Variants in SPTY2D1 observed in about 807,000 individuals in gnomAD.
The protein encoded by SPTY2D1 is SPT2 chromatin protein domain containing 1.
Under a neutral mutation model 64.0 loss-of-function variants are expected in SPTY2D1, and 21 were observed. That is an observed-to-expected ratio of 0.33 (90% CI 0.23 to 0.47). SPTY2D1 has a LOEUF of 0.47. Among genes scored for constraint, SPTY2D1 ranks in the 20% least tolerant of loss-of-function variants. The pLI is 1.00. For synonymous variants in SPTY2D1, 287 were observed against 286.8 expected (o/e 1.00, Z -0.01); for missense variants, 724 against 837.2 (o/e 0.86, Z 1.67).
At position 18,606,761 on chromosome 11, in the gene SPTY2D1, A is replaced by T; in HGVS notation, c.*3100T>A. 1 of 389,786 alleles carries T rather than the reference A, an allele frequency of 2.6e-6. No homozygotes were observed. The highest frequency in any genetic ancestry group is 4.9e-6 in the Non-Finnish European group (1 of 205,366). The allele number at this position is 389,786 out of a possible 1,614,324, so 24.1% of individuals were successfully genotyped here. A position where few individuals can be genotyped will look rare whatever the true frequency, so the allele number is the denominator to read the frequency against. ...GTTTTGGTCTCCTGCTATATCTCAG[A>T]AATTTACCAATAGCTGCTTTTAAGT... is the stretch of plus-strand genomic sequence containing the variant. On this transcript the variant is annotated 3_prime_UTR_variant, in exon 6 of 6. Transcript: ENST00000336349.
intron 1 of SPTY2D1, among the ~76,000 whole-genome samples, chr11:18,617,810 C>G (rs1486054593): frequency 6.6e-6 from 1 of 151,034 alleles, no homozygotes; most frequent in Admixed American, 6.6e-5. Flanking sequence ...GGCATGGTGG[C>G]GCACATCCGT....
Position 18,609,859 on chromosome 11 carries a change from AG to A in SPTY2D1, c.*1del. ...AGAATTTCACAAAAATAAAAGCAGC[AG>A]CTAACGCCTCTTCAGCTTCTTGGCC... On this transcript the variant is annotated 3_prime_UTR_variant, in exon 6 of 6. Transcript: ENST00000336349. 6.2e-7 allele frequency: 1 copy of A among 1,613,740 alleles called. No individual in the cohort carries two copies. The highest frequency in any genetic ancestry group is 8.5e-7 in the Non-Finnish European group (1 of 1,179,876).
At chr11:18,613,719 T>C (rs1165246019) in intron 3 of SPTY2D1, among the ~76,000 whole-genome samples, 1 of 152,154 alleles carries the variant, frequency 6.6e-6, no homozygotes, top group African/African-American at 2.4e-5. Flanking sequence ...CTTTAATAAA[T>C]CTCTATTAGC....
intron 1 of SPTY2D1, among the ~76,000 whole-genome samples, chr11:18,621,365 G>GAAAAGAAAAGAAAAGAA: frequency 7.0e-6 from 1 of 142,146 alleles, no homozygotes. Flanking sequence ...GAAAAGAAAA[G>GAAAAGAAAAGAAAAGAA]AAAAGAAAAG....
rs1427758823 is a variant in SPTY2D1 at position 18,612,942 on chromosome 11, T to G, written c.1712-454A>C. Among the ~76,000 whole-genome samples the G allele has an allele frequency of 6.6e-6, 1 of 152,172 alleles. No homozygotes were observed. Among genetic ancestry groups the G allele is most frequent in the African/African-American group, 2.4e-5 (1 of 41,446 alleles). On this transcript the variant is annotated intron_variant, in intron 3 of 5. Coordinates refer to ENST00000336349, the MANE Select transcript of SPTY2D1 (RefSeq NM_194285.3). The surrounding 1 kb of genome is among the most constrained non-coding windows in gnomAD (Gnocchi z 4.6). The stretch of plus-strand genomic sequence containing the variant: ...ACAACGCCTGGCTAATTTTGTATTT[T>G]TAGTAGAGATGGGGTTTCTCCACGT...
chr11:18,607,353 A>T lies in SPTY2D1; in HGVS notation c.*2508T>A, dbSNP rs1854125749. On this transcript the variant is annotated 3_prime_UTR_variant, in exon 6 of 6. Coordinates refer to ENST00000336349, the MANE Select transcript of SPTY2D1 (RefSeq NM_194285.3). ...CATAGCAATATCAAAAGCAAGTGGG[A>T]CTGTGCAATCAGAGCCATGAGTTTT... 6.5e-6 allele frequency: 1 copy of T among 152,748 alleles called. No homozygotes were observed. The highest frequency in any genetic ancestry group is 2.4e-5 in the African/African-American group (1 of 41,452). 9.5% of individuals were successfully genotyped at this position (152,748 alleles called of 1,614,324 possible).
chr11:18,608,948 G>A lies in SPTY2D1; in HGVS notation c.*913C>T, dbSNP rs1279883253. On this transcript the variant is annotated 3_prime_UTR_variant, in exon 6 of 6. Coordinates refer to ENST00000336349, the MANE Select transcript of SPTY2D1 (RefSeq NM_194285.3). Reference sequence around the variant, plus strand: ...AAGTCATTAATGTCAAGAGGTATGAGGGCACCTTGGGATTTCAAAATATCT... The same window carrying A: ...AAGTCATTAATGTCAAGAGGTATGAAGGCACCTTGGGATTTCAAAATATCT... 1.3e-5 allele frequency: 2 copies of A among 149,824 alleles called. No individual in the cohort carries two copies. The highest frequency in any genetic ancestry group is 4.9e-5 in the African/African-American group (2 of 41,204). The allele number at this position is 149,824 out of a possible 1,614,324, so 9.3% of individuals were successfully genotyped here. A position where few individuals can be genotyped will look rare whatever the true frequency, so the allele number is the denominator to read the frequency against.
intron 1 of SPTY2D1, 115 bp from the exon 2 acceptor site, chr11:18,617,104 T>G (rs947246688): frequency 6.5e-5 from 50 of 770,926 alleles, no homozygotes; most frequent in Non-Finnish European, 1.1e-4. Flanking sequence ...AAACCTATTC[T>G]GAATAATTGA....
chr11:18,616,751 AC>A, intron 2 of SPTY2D1, 123 bp downstream of exon 2: 1 of 766,542 alleles, frequency 1.3e-6, no homozygotes, highest in Non-Finnish European at 2.1e-6. Context: ...ACACACACAC[AC>A]ACACACACAC....
Position 18,609,789 on chromosome 11 carries a change from C to CT in SPTY2D1, c.*71dup. 2 of 1,365,186 alleles carry CT rather than the reference C, an allele frequency of 1.5e-6. No homozygotes were observed. The allele number at this position is 1,365,186 out of a possible 1,614,324, so 84.6% of individuals were successfully genotyped here. On this transcript the variant is annotated 3_prime_UTR_variant, in exon 6 of 6. Coordinates refer to ENST00000336349, the MANE Select transcript of SPTY2D1 (RefSeq NM_194285.3). ...GTATAAATCTAAAATGATAAGGGGGCTTCTTCAGTCTGAAGGCAGGAAATC... is the reference window on the plus strand; with the variant it reads ...GTATAAATCTAAAATGATAAGGGGGCTTTCTTCAGTCTGAAGGCAGGAAATC...
Position 18,614,538 on chromosome 11 carries a change from T to C in SPTY2D1, c.1711+25A>G, listed in dbSNP as rs372841918. 6 of 1,579,518 alleles carry C rather than the reference T, an allele frequency of 3.8e-6. No homozygotes were observed. The African/African-American group carries it at 8.1e-5, about 21-fold the overall frequency. The stretch of plus-strand genomic sequence containing the variant: ...CAATTTCCTAATGACAAATATATAC[T>C]CTTTCGGGTGAGGGGAAATTTTACC... On this transcript the variant is annotated intron_variant, in intron 3 of 5. Transcript: ENST00000336349.
At chr11:18,627,476 C>T (rs1390197555) in intron 1 of SPTY2D1, among the ~76,000 whole-genome samples, 1 of 151,790 alleles carries the variant, frequency 6.6e-6, no homozygotes, top group Non-Finnish European at 1.5e-5. Context: ...GGCGTGGTGG[C>T]TCACATCTGT....
At chr11:18,616,623 G>A (rs1854302828) in intron 2 of SPTY2D1, among the ~76,000 whole-genome samples, 1 of 151,944 alleles carries the variant, frequency 6.6e-6, no homozygotes, top group Non-Finnish European at 1.5e-5. Flanking sequence ...TAGAAGACAT[G>A]GCTACTAACC....
chr11:18,621,323 C>CAGAAAAGAAAAGAAAAGAAAAGAAA (rs55880127), intron 1 of SPTY2D1, among the ~76,000 whole-genome samples: 3,009 of 137,572 alleles, frequency 0.022, 72 homozygotes, highest in East Asian at 0.037. Flanking sequence ...TCTCAAAAAA[C>CAGAAAAGAAAAGAAAAGAAAAGAAA]AGAAAAGAAA....
At chr11:18,627,695 A>G (rs967237650) in intron 1 of SPTY2D1, among the ~76,000 whole-genome samples, 3 of 152,016 alleles carry the variant, frequency 2.0e-5, no homozygotes, top group Non-Finnish European at 2.9e-5. Flanking sequence ...TGGCTAACAC[A>G]GTGAAACCCC....
chr11:18,612,435 C>T lies in SPTY2D1; in HGVS notation c.1765G>A (p.Glu589Lys). Residue 589 changes from glutamate (E) to lysine (K), a missense_variant, in exon 4 of 6, where the codon GAG becomes AAG. Glu to Lys is a moderately conservative substitution (Grantham distance 56). This residue lies in a region of SPTY2D1 where 119 missense variants were observed against 172.9 expected (regional missense o/e 0.69). Transcript: ENST00000336349. This position sits in a 1 kb window ranked among gnomAD's most constrained non-coding sequence, Gnocchi z 4.6. ...TATTCATCATCATCGTCATCTTCCT[C>T]TTCATATTCTCGCTGCCTTTTGTAA... ...TGYKRQREYE[E>K]EDDDDDEYDS... 2 of 1,609,908 alleles carry T rather than the reference C, an allele frequency of 1.2e-6. No individual in the cohort carries two copies. The highest frequency in any genetic ancestry group is 1.7e-6 in the Non-Finnish European group (2 of 1,177,660).
chr11:18,619,334 C>T (rs2134113131), intron 1 of SPTY2D1, among the ~76,000 whole-genome samples: 1 of 151,942 alleles, frequency 6.6e-6, no homozygotes, highest in East Asian at 1.9e-4. Context: ...TTAAGATTTT[C>T]CTGGCCAGGC....
At chr11:18,618,650 A>G (rs1355131946) in intron 1 of SPTY2D1, among the ~76,000 whole-genome samples, 1 of 152,220 alleles carries the variant, frequency 6.6e-6, no homozygotes. Context: ...TAGCAGAAAA[A>G]GAAACATGTC....
rs958554634 is a variant in SPTY2D1 at position 18,607,808 on chromosome 11, A to G, written c.*2053T>C. ...ATGCACTCAGAAGTAACAGACACAC[A>G]AGGTTAAAACCTGATTCTTCCCACT... On this transcript the variant is annotated 3_prime_UTR_variant, in exon 6 of 6. Coordinates refer to ENST00000336349, the MANE Select transcript of SPTY2D1 (RefSeq NM_194285.3). The G allele has an allele frequency of 1.3e-5, 2 of 152,168 alleles. No individual in the cohort carries two copies. The highest frequency in any genetic ancestry group is 4.8e-5 in the African/African-American group (2 of 41,452). The allele number at this position is 152,168 out of a possible 1,614,324, so 9.4% of individuals were successfully genotyped here. A position where few individuals can be genotyped will look rare whatever the true frequency, so the allele number is the denominator to read the frequency against.
Sources: allele counts gnomAD v4.1 joint callset (sites outside exome capture counted in the v4.1 genomes callset), GRCh38; gene constraint gnomAD v4.1.1; regional missense constraint gnomAD v4.1.1; non-coding constraint Gnocchi (gnomAD v3.1); transcripts MANE v1.5; gene names NCBI Gene and HGNC (gene_info 2026-07-23, HGNC 2026-07-21).